The following NXPH1 variants were observed in gnomAD, a reference collection of about 807,000 sequenced individuals.
NXPH1 encodes neurexophilin 1.
In NXPH1, 5 loss-of-function variants were observed where a neutral mutation model predicts 23.7. The ratio of observed to expected loss-of-function variants is 0.21; its 90% CI spans 0.11 to 0.44. The LOEUF (loss-of-function observed/expected upper bound fraction) is 0.44. Ranked by LOEUF, NXPH1 falls within the 20% of genes least tolerant of loss-of-function variation. The pLI is 0.99. For missense variants in NXPH1, 324 were observed against 321.6 expected (o/e 1.01, Z -0.06); for synonymous variants, 144 against 122.2 (o/e 1.18, Z -1.18).
At chr7:8,721,036 T>C (rs1283408640) in intron 2 of NXPH1, among the ~76,000 whole-genome samples, 1 of 152,206 alleles carries the variant, frequency 6.6e-6, no homozygotes, top group Non-Finnish European at 1.5e-5. Flanking sequence ...GTAGGCATAA[T>C]GGGGTAACAG....
At chr7:8,564,122 G>T (rs1818498758) in intron 2 of NXPH1, among the ~76,000 whole-genome samples, 1 of 151,800 alleles carries the variant, frequency 6.6e-6, no homozygotes, top group Middle Eastern at 3.4e-3. Flanking sequence ...CATGCTTTTT[G>T]ACTATCTGCT....
chr7:8,463,348 C>G (rs965473832), intron 2 of NXPH1, among the ~76,000 whole-genome samples: 1 of 149,152 alleles, frequency 6.7e-6, no homozygotes, highest in African/African-American at 2.5e-5. Flanking sequence ...CTGTAATTTA[C>G]TTATTGAAGT....
chr7:8,642,188 G>A (rs1372312719), intron 2 of NXPH1, among the ~76,000 whole-genome samples: 1 of 152,132 alleles, frequency 6.6e-6, no homozygotes, highest in Admixed American at 6.5e-5. Context: ...GTACTTTGCA[G>A]GACTGAAAGT....
intron 2 of NXPH1, among the ~76,000 whole-genome samples, chr7:8,694,490 A>G (rs1259488749): frequency 6.6e-6 from 1 of 152,220 alleles, no homozygotes; most frequent in East Asian, 1.9e-4. Context: ...TTTTAAAAGT[A>G]TAGTCTGGAC....
chr7:8,542,946 C>T (rs1441621201), intron 2 of NXPH1, among the ~76,000 whole-genome samples: 2 of 151,484 alleles, frequency 1.3e-5, no homozygotes, highest in Admixed American at 6.6e-5. Flanking sequence ...TAATGCATAG[C>T]GTAATTTTAT....
At chr7:8,495,392 A>G (rs1817317605) in intron 2 of NXPH1, among the ~76,000 whole-genome samples, 1 of 148,706 alleles carries the variant, frequency 6.7e-6, no homozygotes. Flanking sequence ...TTTCACAGCA[A>G]CATTGAGGCT....
At chr7:8,730,671 C>T (rs750875338) in intron 2 of NXPH1, among the ~76,000 whole-genome samples, 30 of 152,280 alleles carry the variant, frequency 2.0e-4, no homozygotes, top group South Asian at 1.9e-3. Flanking sequence ...TATTGGCCCC[C>T]ACTCTCTTCT....
At chr7:8,462,163 C>T (rs896629501) in intron 2 of NXPH1, among the ~76,000 whole-genome samples, 4 of 152,102 alleles carry the variant, frequency 2.6e-5, no homozygotes, top group African/African-American at 9.7e-5. Flanking sequence ...ATTCTCCCAC[C>T]TCAGCCTCCC....
At chr7:8,735,743 G>T (rs1038106556) in intron 2 of NXPH1, among the ~76,000 whole-genome samples, 4 of 152,040 alleles carry the variant, frequency 2.6e-5, no homozygotes, top group African/African-American at 9.7e-5. Context: ...TCGGTAGAAT[G>T]CTACTGTGAA....
intron 2 of NXPH1, among the ~76,000 whole-genome samples, chr7:8,457,946 GAGTT>G (rs2128606431): frequency 6.6e-6 from 1 of 152,292 alleles, no homozygotes; most frequent in Admixed American, 6.5e-5. Flanking sequence ...CTTCCTTCAA[GAGTT>G]AGTCACATGC....
At chr7:8,612,761 C>T (rs1166493545) in intron 2 of NXPH1, among the ~76,000 whole-genome samples, 3 of 152,026 alleles carry the variant, frequency 2.0e-5, no homozygotes. Flanking sequence ...GTATCATTAA[C>T]CTTGCTTTGT....
chr7:8,448,619 C>A (rs1021671520), intron 2 of NXPH1, among the ~76,000 whole-genome samples: 1 of 152,096 alleles, frequency 6.6e-6, no homozygotes, highest in African/African-American at 2.4e-5. Flanking sequence ...GAGTTTGAGA[C>A]CAGCCTGGGC....
intron 2 of NXPH1, among the ~76,000 whole-genome samples, chr7:8,564,348 G>T (rs1188510015): frequency 2.0e-5 from 3 of 151,788 alleles, no homozygotes; most frequent in African/African-American, 4.8e-5. Flanking sequence ...AATAAAAGTA[G>T]AATGCGTATG....
intron 2 of NXPH1, among the ~76,000 whole-genome samples, chr7:8,565,822 AT>A (rs1818535482): frequency 6.6e-6 from 1 of 151,676 alleles, no homozygotes; most frequent in Admixed American, 6.6e-5. Flanking sequence ...TTGGCTTTCT[AT>A]TTCTATGATT....
chr7:8,672,273 A>G (rs1009509649), intron 2 of NXPH1, among the ~76,000 whole-genome samples: 13 of 152,180 alleles, frequency 8.5e-5, no homozygotes, highest in African/African-American at 3.1e-4. Flanking sequence ...TGGGAATTGA[A>G]CAATGAGAAC....
chr7:8,485,426 A>T (rs1273933573), intron 2 of NXPH1, among the ~76,000 whole-genome samples: 1 of 152,174 alleles, frequency 6.6e-6, no homozygotes, highest in Non-Finnish European at 1.5e-5. Context: ...GCCAAACTAA[A>T]TAAAAACATG....
At chr7:8,562,883 C>A (rs922097137) in intron 2 of NXPH1, among the ~76,000 whole-genome samples, 6 of 151,316 alleles carry the variant, frequency 4.0e-5, no homozygotes, top group African/African-American at 1.5e-4. Flanking sequence ...TATACTTTTT[C>A]TGAATTTCCT....
chr7:8,488,799 C>T (rs956304082), intron 2 of NXPH1, among the ~76,000 whole-genome samples: 1 of 152,244 alleles, frequency 6.6e-6, no homozygotes, highest in African/African-American at 2.4e-5. Context: ...ATGAGATAAT[C>T]TCTGTATCAG....
intron 2 of NXPH1, among the ~76,000 whole-genome samples, chr7:8,620,582 T>G (rs565151266): frequency 3.3e-5 from 5 of 152,312 alleles, no homozygotes; most frequent in African/African-American, 1.2e-4. Context: ...GCCTGACTCC[T>G]CATGTAGCTT....
Sources: allele counts gnomAD v4.1 joint callset (sites outside exome capture counted in the v4.1 genomes callset), GRCh38; gene constraint gnomAD v4.1.1; transcripts MANE v1.5; gene names NCBI Gene and HGNC (gene_info 2026-07-23, HGNC 2026-07-21).